Variants in YTHDC2 observed in about 807,000 individuals in gnomAD.
The protein encoded by YTHDC2 is YTH N6-methyladenosine RNA binding protein C2.
Under a neutral mutation model 174.9 loss-of-function variants are expected in YTHDC2, and 45 were observed. The ratio of observed to expected loss-of-function variants is 0.26; its 90% confidence interval spans 0.20 to 0.33. YTHDC2 has a LOEUF of 0.33. YTHDC2 is among the 10% of genes least tolerant of loss of function. The probability of loss-of-function intolerance (pLI) is 1.00; values close to 1 mark genes in which losing one functional copy is unlikely to be tolerated. For synonymous variants in YTHDC2, 657 were observed against 574.5 expected, an observed-to-expected ratio of 1.14 and a Z score of -2.05; for missense variants, 1,650 against 1,723.7, an observed-to-expected ratio of 0.96 and a Z score of 0.76.
In YTHDC2 at chr5:113,567,172, T is replaced by C. The variant is rs772238306; in HGVS notation, c.2923T>C (p.Leu975=). The C allele has an allele frequency of 1.9e-6, 3 of 1,613,822 alleles. No homozygotes were observed. The highest frequency in any genetic ancestry group is 2.5e-6 in the Non-Finnish European group (3 of 1,179,910). The part of the protein sequence containing the change: ...SENWAVVKAA[L]VAGMYPNLVH... The stretch of plus-strand genomic sequence containing the variant: ...GAATTGGGCTGTCGTTAAAGCTGCA[T>C]TGGTGGCAGGCATGTATCCTAATTT... Residue 975 remains leucine (L), a synonymous_variant, in exon 22 of 30, where the codon TTG becomes CTG. Transcript: ENST00000161863.
In YTHDC2 at chr5:113,514,085, G is replaced by T; in HGVS notation, c.187+3G>T. ...CTTCCGATACGGGGACCAGAGAGGT[G>T]AGGTTCCGGACAGGGACCATGCTGG... On this transcript the variant is annotated splice_donor_region_variant and intron_variant, in intron 1 of 29. Transcript: ENST00000161863. 6.2e-7 allele frequency: 1 copy of T among 1,610,676 alleles called. No individual in the cohort carries two copies. The highest frequency in any genetic ancestry group is 8.5e-7 in the Non-Finnish European group (1 of 1,178,744).
At position 113,593,058 on chromosome 5, in the gene YTHDC2, T is replaced by G. The variant is rs1256705130; in HGVS notation, c.4213-245T>G. On this transcript the variant is annotated intron_variant, in intron 28 of 29. Coordinates refer to ENST00000161863, the MANE Select transcript of YTHDC2 (RefSeq NM_022828.5). ...ACAGTTCCAGGACTCCATGGGAATCTGTTGCCATTTTGTCACAAAAGTTGA... is the reference window on the plus strand; with the variant it reads ...ACAGTTCCAGGACTCCATGGGAATCGGTTGCCATTTTGTCACAAAAGTTGA... 12 of 312,328 alleles carry G rather than the reference T, an allele frequency of 3.8e-5. No individual in the cohort carries two copies. In the Admixed American group the frequency reaches 5.3e-4, roughly 14 times the overall value. 19.3% of individuals were successfully genotyped at this position (312,328 alleles called of 1,614,324 possible). A position where few individuals can be genotyped will look rare whatever the true frequency, so the allele number is the denominator to read the frequency against.
At chr5:113,563,335 T>C in intron 18 of YTHDC2, 38 bp from the exon 19 acceptor site, 1 of 1,532,106 alleles carries the variant, frequency 6.5e-7, no homozygotes, top group South Asian at 1.2e-5. Flanking sequence ...TAGTATTCTT[T>C]TTAATTTTAA....
At chr5:113,540,603 A>G (rs546174372) in intron 8 of YTHDC2, among the ~76,000 whole-genome samples, 1 of 152,324 alleles carries the variant, frequency 6.6e-6, no homozygotes, top group African/African-American at 2.4e-5. Flanking sequence ...CCAGATGCTT[A>G]TAAAACCATC....
At position 113,532,867 on chromosome 5, in the gene YTHDC2, CTT is replaced by C; in HGVS notation, c.676-9_676-8del. ...TCATGTCATCTTACAGTTTTTAAAA[CTT>C]TTGTTTCAGATTCCTCAGTTCCTTT... On this transcript the variant is annotated splice_polypyrimidine_tract_variant and intron_variant, in intron 4 of 29. Coordinates refer to ENST00000161863, the MANE Select transcript of YTHDC2 (RefSeq NM_022828.5). The C allele has an allele frequency of 6.3e-7, 1 of 1,594,538 alleles. No homozygotes were observed.
In YTHDC2 at chr5:113,581,312, A is replaced by T. The variant is rs188043719; in HGVS notation, c.3355-105A>T. 15 of 1,053,186 alleles carry T rather than the reference A, an allele frequency of 1.4e-5. No individual in the cohort carries two copies. In the Admixed American group the frequency reaches 1.5e-4, roughly 11 times the overall value. 65.2% of individuals were successfully genotyped at this position (1,053,186 alleles called of 1,614,324 possible). A position where few individuals can be genotyped will look rare whatever the true frequency, so the allele number is the denominator to read the frequency against. On this transcript the variant is annotated intron_variant, in intron 24 of 29. Transcript: ENST00000161863. ...TTAGTAGTAAATTATATGAAATGTG[A>T]AATAAGTTTGTTGGAAACAGTTGCA...
intron 25 of YTHDC2, chr5:113,582,325 C>T (rs1438579658): frequency 6.6e-6 from 1 of 152,058 alleles, no homozygotes; most frequent in Non-Finnish European, 1.5e-5. Context: ...TATAATTTAG[C>T]CAAATTCTTC....
intron 17 of YTHDC2, among the ~76,000 whole-genome samples, chr5:113,560,804 TTTTATATGTATGC>T (rs1452025091): frequency 2.6e-5 from 4 of 152,204 alleles, no homozygotes; most frequent in Non-Finnish European, 4.4e-5. Context: ...TTTTGCTCAC[TTTTATATGTATGC>T]TATTTCTTTT....
In YTHDC2 at chr5:113,539,157, A is replaced by G; in HGVS notation, c.1186A>G (p.Lys396Glu). ...TGGATATACAAACAAAGAAATGTTA[A>G]AATATAAAAAGGAAAAACAGCAAGG... ...TTGYTNKEMLKYKKEKQQEEK... is the reference protein window; with the variant it reads ...TTGYTNKEMLEYKKEKQQEEK... Residue 396 changes from lysine to glutamate, a missense_variant, in exon 8 of 30, where the codon AAA (lysine) becomes GAA (glutamate). Coordinates refer to ENST00000161863, the MANE Select transcript of YTHDC2 (RefSeq NM_022828.5). 2.2e-6 allele frequency: 3 copies of G among 1,390,638 alleles called. No individual in the cohort carries two copies. The highest frequency in any genetic ancestry group is 2.9e-5 in the South Asian group (2 of 68,136). The allele number at this position is 1,390,638 out of a possible 1,614,324, so 86.1% of individuals were successfully genotyped here.
chr5:113,536,382 A>G (rs982349225), intron 7 of YTHDC2, among the ~76,000 whole-genome samples: 1 of 152,136 alleles, frequency 6.6e-6, no homozygotes. Flanking sequence ...AAAATTAGCC[A>G]GGCGTGGTGG....
chr5:113,566,998 C>T lies in YTHDC2; in HGVS notation c.2843-94C>T. 3.7e-6 allele frequency: 5 copies of T among 1,360,290 alleles called. No individual in the cohort carries two copies. The South Asian group carries it at 6.0e-5, about 16-fold the overall frequency. 84.3% of individuals were successfully genotyped at this position (1,360,290 alleles called of 1,614,324 possible). ...TAATTATCGTGAAATTTGAATATCA[C>T]AAAATTTACATGAGTTGTACAAGTT... On this transcript the variant is annotated intron_variant, in intron 21 of 29. Transcript: ENST00000161863.
chr5:113,553,550 C>G, intron 13 of YTHDC2, 40 bp from the exon 14 acceptor site: 3 of 1,591,814 alleles, frequency 1.9e-6, no homozygotes. Context: ...GCCTCTGATT[C>G]ACAATGAGAT....
intron 21 of YTHDC2, among the ~76,000 whole-genome samples, chr5:113,566,879 A>G (rs1777366693): frequency 6.8e-6 from 1 of 146,424 alleles, no homozygotes; most frequent in Non-Finnish European, 1.5e-5. Context: ...TAACCTGAGC[A>G]GATCTACACT....
intron 3 of YTHDC2, among the ~76,000 whole-genome samples, 193 bp downstream of exon 3, chr5:113,525,370 T>C (rs1032483494): frequency 2.7e-5 from 4 of 146,102 alleles, no homozygotes; most frequent in Non-Finnish European, 6.1e-5. Context: ...TTGAACCAAG[T>C]TTTTTTTTTT....
chr5:113,572,419 C>T (rs549058069), intron 23 of YTHDC2, among the ~76,000 whole-genome samples: 75 of 152,232 alleles, frequency 4.9e-4, no homozygotes, highest in African/African-American at 1.4e-3. Context: ...TGCCATGTGG[C>T]GATGAGAAGA....
chr5:113,514,393 C>G (rs1773253337), intron 1 of YTHDC2: 1 of 582,110 alleles, frequency 1.7e-6, no homozygotes, highest in African/African-American at 1.8e-5. Flanking sequence ...ATTGGTTAGC[C>G]CTAACCCTTT....
At chr5:113,514,144 CA>C in intron 1 of YTHDC2, 62 bp downstream of exon 1, 2 of 1,547,422 alleles carry the variant, frequency 1.3e-6, no homozygotes, top group Non-Finnish European at 1.7e-6. Flanking sequence ...CAGCGCCCCC[CA>C]AACGGCGGCC....
chr5:113,547,806 G>C (rs916477889), intron 10 of YTHDC2, among the ~76,000 whole-genome samples: 55 of 152,200 alleles, frequency 3.6e-4, no homozygotes, highest in Non-Finnish European at 7.4e-4. Flanking sequence ...GTATATGAAA[G>C]ATTAAAATTT....
At chr5:113,515,142 AGTT>A (rs942097535) in intron 1 of YTHDC2, 127 bp from the exon 2 acceptor site, 7 of 522,158 alleles carry the variant, frequency 1.3e-5, no homozygotes, top group Admixed American at 3.5e-5. Flanking sequence ...TGAAATATAA[AGTT>A]AACCTCAAAT....
Sources: gnomAD v4.1 joint callset for allele counts (sites outside exome capture counted in the v4.1 genomes callset) on GRCh38, gnomAD v4.1.1 for gene constraint, MANE v1.5 for transcripts, NCBI Gene and HGNC (gene_info 2026-07-23, HGNC 2026-07-21) for gene names.